SYT1: variants seen among roughly 807,000 people sequenced by gnomAD.
SYT1 encodes the protein synaptotagmin-1.
A neutral mutation model predicts 44.8 loss-of-function variants in SYT1; 8 were observed. The ratio of observed to expected loss-of-function variants is 0.18; its 90% CI spans 0.10 to 0.32. The LOEUF (loss-of-function observed/expected upper bound fraction) is 0.32, where lower values mean the gene tolerates loss of function less well. SYT1 is among the 10% of genes least tolerant of loss of function. SYT1 has a pLI of 1.00. For synonymous variants in SYT1, 154 were observed against 188.8 expected (o/e 0.82, Z 1.51); for missense variants, 286 against 509.3 (o/e 0.56, Z 4.22).
intron 4 of SYT1, among the ~76,000 whole-genome samples, chr12:79,235,054 CAA>C (rs1876107329): frequency 2.0e-5 from 3 of 152,244 alleles, no homozygotes; most frequent in African/African-American, 7.2e-5. Context: ...TATTTTTGGG[CAA>C]CTCTTTAAGA....
chr12:79,010,938 C>A (rs1289467667), intron 2 of SYT1, among the ~76,000 whole-genome samples: 1 of 152,100 alleles, frequency 6.6e-6, no homozygotes, highest in Admixed American at 6.5e-5. Context: ...TTTTATTTCC[C>A]CTCAAAGGGA....
chr12:79,226,906 G>A (rs547365102), intron 4 of SYT1, among the ~76,000 whole-genome samples: 2 of 152,092 alleles, frequency 1.3e-5, no homozygotes, highest in East Asian at 3.9e-4. Context: ...ATTCCTTTAG[G>A]ACTATAAGAT....
intron 3 of SYT1, among the ~76,000 whole-genome samples, chr12:79,105,313 C>A (rs1014442547): frequency 1.3e-5 from 2 of 152,126 alleles, no homozygotes; most frequent in African/African-American, 2.4e-5. Context: ...GGCTTAGCAA[C>A]GTGTCCAGCA....
At chr12:79,318,992 A>T (rs1399268907) in intron 8 of SYT1, among the ~76,000 whole-genome samples, 1 of 152,224 alleles carries the variant, frequency 6.6e-6, no homozygotes, top group African/African-American at 2.4e-5. Flanking sequence ...TAAAATAAAC[A>T]TTAATATTTA....
At chr12:79,350,537 CCA>C (rs966937553) in intron 8 of SYT1, among the ~76,000 whole-genome samples, 1 of 152,140 alleles carries the variant, frequency 6.6e-6, no homozygotes, top group African/African-American at 2.4e-5. Flanking sequence ...CAGGCGTGAG[CCA>C]CCGCGCCCGG....
chr12:79,118,188 G>T (rs1431039532), intron 3 of SYT1, among the ~76,000 whole-genome samples: 2 of 151,990 alleles, frequency 1.3e-5, no homozygotes, highest in African/African-American at 4.8e-5. Flanking sequence ...CCATTACCTT[G>T]TACTTGTGAA....
Position 78,978,748 on chromosome 12 carries a change from G to A in SYT1, c.-84+817G>A, listed in dbSNP as rs936145513. ...AATAGCCTTTCACATTACTTCCACT[G>A]TATACAGGAGAAATAGTGTTACAGT... On this transcript the variant is annotated intron_variant, in intron 2 of 10. Transcript: ENST00000261205. Among the ~76,000 whole-genome samples the A allele has an allele frequency of 1.9e-4, 29 of 152,160 alleles. 1 individual carries two copies. Among genetic ancestry groups the A allele is most frequent in the Non-Finnish European group, 7.3e-5 (5 of 68,028 alleles).
chr12:79,308,531 A>G (rs1880539283), intron 8 of SYT1, among the ~76,000 whole-genome samples: 1 of 135,402 alleles, frequency 7.4e-6, no homozygotes, highest in African/African-American at 2.7e-5. Context: ...GAAAGAAGAA[A>G]TAAAGAAAGA....
chr12:79,076,517 A>C (rs1876662311), intron 3 of SYT1, among the ~76,000 whole-genome samples: 1 of 152,194 alleles, frequency 6.6e-6, no homozygotes, highest in South Asian at 2.1e-4. Flanking sequence ...TGAATACATA[A>C]AAAGTTTCAG....
intron 3 of SYT1, among the ~76,000 whole-genome samples, chr12:79,119,977 T>C (rs929902624): frequency 1.4e-4 from 22 of 152,084 alleles, no homozygotes; most frequent in African/African-American, 4.8e-4. Context: ...CCTAAAGACC[T>C]GCTGTGGAAC....
chr12:78,908,501 C>G (rs1197304290), intron 1 of SYT1, among the ~76,000 whole-genome samples: 1 of 151,652 alleles, frequency 6.6e-6, no homozygotes, highest in Non-Finnish European at 1.5e-5. Flanking sequence ...AAGAACATAT[C>G]TCAACAATAT....
chr12:78,876,841 A>T lies in SYT1; in HGVS notation c.-217+11732A>T, dbSNP rs10861069. ...ATCATATATTATATGTATTATATAT[A>T]ATATATATTATATATAATATATATA... On this transcript the variant is annotated intron_variant, in intron 1 of 10. Coordinates refer to ENST00000261205, the MANE Select transcript of SYT1 (RefSeq NM_005639.3). Among the ~76,000 whole-genome samples the T allele has an allele frequency of 4.1e-3, 113 of 27,366 alleles. 1 individual carries two copies. The highest frequency in any genetic ancestry group is 0.031 in the Middle Eastern group (1 of 32). 18.0% of individuals were successfully genotyped at this position (27,366 alleles called of 152,430 possible). A position where few individuals can be genotyped will look rare whatever the true frequency, so the allele number is the denominator to read the frequency against.
chr12:78,925,926 T>C (rs1427497485), intron 1 of SYT1, among the ~76,000 whole-genome samples: 2 of 152,074 alleles, frequency 1.3e-5, no homozygotes, highest in Admixed American at 6.6e-5. Flanking sequence ...CAAACTATTG[T>C]GTTTGATTTC....
At chr12:79,293,868 A>G (rs1467587878) in intron 6 of SYT1, among the ~76,000 whole-genome samples, 1 of 152,214 alleles carries the variant, frequency 6.6e-6, no homozygotes, top group Non-Finnish European at 1.5e-5. Flanking sequence ...GTTTGTAGTT[A>G]TACCATTTTT....
At chr12:79,147,725 T>C (rs529049380) in intron 3 of SYT1, among the ~76,000 whole-genome samples, 2 of 152,316 alleles carry the variant, frequency 1.3e-5, no homozygotes, top group East Asian at 3.9e-4. Context: ...GGAACTGTTA[T>C]ACCTAATGAG....
At chr12:78,953,373 G>A (rs1369582759) in intron 1 of SYT1, among the ~76,000 whole-genome samples, 1 of 152,074 alleles carries the variant, frequency 6.6e-6, no homozygotes, top group Non-Finnish European at 1.5e-5. Flanking sequence ...ACATTGATTT[G>A]TTATAGCTCC....
intron 3 of SYT1, among the ~76,000 whole-genome samples, chr12:79,104,409 T>C (rs1399439121): frequency 6.6e-6 from 1 of 152,032 alleles, no homozygotes; most frequent in East Asian, 1.9e-4. Flanking sequence ...ATATATAGCA[T>C]GTTCCCTAAT....
intron 3 of SYT1, among the ~76,000 whole-genome samples, chr12:79,114,002 T>C (rs1019239789): frequency 6.6e-6 from 1 of 152,150 alleles, no homozygotes; most frequent in African/African-American, 2.4e-5. Context: ...GCATGACATA[T>C]GTTGAAATGA....
At chr12:78,890,650 T>G (rs1309037723) in intron 1 of SYT1, among the ~76,000 whole-genome samples, 1 of 151,886 alleles carries the variant, frequency 6.6e-6, no homozygotes, top group Non-Finnish European at 1.5e-5. Flanking sequence ...AGCTTCACAG[T>G]TTCTGTCCAT....
Sources: allele counts gnomAD v4.1 joint callset (sites outside exome capture counted in the v4.1 genomes callset), GRCh38; gene constraint gnomAD v4.1.1; transcripts MANE v1.5; gene names NCBI Gene and HGNC (gene_info 2026-07-23, HGNC 2026-07-21).